The following TNIK variants were observed in gnomAD, a reference collection of about 807,000 sequenced individuals.
The protein encoded by TNIK is TRAF2 and NCK interacting kinase.
A neutral mutation model predicts 191.3 loss-of-function variants in TNIK; 49 were observed. The ratio of observed to expected loss-of-function variants is 0.26; its 90% CI spans 0.20 to 0.32. The LOEUF (loss-of-function observed/expected upper bound fraction) is 0.32. Ranked by LOEUF, TNIK falls within the 10% of genes least tolerant of loss-of-function variation. TNIK has a pLI of 1.00. For synonymous variants in TNIK, 594 were observed against 600.9 expected (o/e 0.99, Z 0.17); for missense variants, 1,155 against 1,702.3 (o/e 0.68, Z 5.66).
intron 2 of TNIK, among the ~76,000 whole-genome samples, chr3:171,361,196 C>T (rs544446252): frequency 6.6e-6 from 1 of 152,278 alleles, no homozygotes; most frequent in Non-Finnish European, 1.5e-5. Context: ...TTCCCCAGCC[C>T]AACATCAGAC....
At chr3:171,075,740 T>A (rs1719816049) in intron 28 of TNIK, among the ~76,000 whole-genome samples, 1 of 149,846 alleles carries the variant, frequency 6.7e-6, no homozygotes, top group African/African-American at 2.5e-5. Context: ...AAGCTGCTAT[T>A]TTTTTTTTTT....
chr3:171,425,643 T>C (rs1202580378), intron 1 of TNIK, among the ~76,000 whole-genome samples: 3 of 152,016 alleles, frequency 2.0e-5, no homozygotes, highest in Non-Finnish European at 4.4e-5. Context: ...CTGGCCAACA[T>C]GGTGAAACCC....
intron 29 of TNIK, among the ~76,000 whole-genome samples, chr3:171,069,644 C>G (rs1169682388): frequency 6.6e-6 from 1 of 152,206 alleles, no homozygotes; most frequent in African/African-American, 2.4e-5. Context: ...AAAGAGAGAT[C>G]TTGCCAAGTT....
chr3:171,343,035 G>A (rs1711546531), intron 2 of TNIK, among the ~76,000 whole-genome samples: 1 of 152,172 alleles, frequency 6.6e-6, no homozygotes, highest in East Asian at 1.9e-4. Flanking sequence ...CCAGCCACAT[G>A]GAAGTGTGAG....
intron 22 of TNIK, among the ~76,000 whole-genome samples, chr3:171,098,488 A>G (rs1723024622): frequency 6.6e-6 from 1 of 152,194 alleles, no homozygotes; most frequent in Non-Finnish European, 1.5e-5. Flanking sequence ...GGGGAATACA[A>G]ACTTAGTTAA....
At chr3:171,214,994 A>G (rs1389090148) in intron 3 of TNIK, among the ~76,000 whole-genome samples, 1 of 152,160 alleles carries the variant, frequency 6.6e-6, no homozygotes, top group Non-Finnish European at 1.5e-5. Flanking sequence ...ACCTGCATCA[A>G]GAGGTGGAGT....
At chr3:171,090,676 C>T (rs1721947781) in intron 23 of TNIK, among the ~76,000 whole-genome samples, 1 of 152,124 alleles carries the variant, frequency 6.6e-6, no homozygotes, top group African/African-American at 2.4e-5. Flanking sequence ...TACAAAATAC[C>T]TCTTCCAGCA....
At chr3:171,158,246 C>T (rs1319839034) in intron 11 of TNIK, among the ~76,000 whole-genome samples, 1 of 152,204 alleles carries the variant, frequency 6.6e-6, no homozygotes, top group African/African-American at 2.4e-5. Context: ...TCAGGGTTTG[C>T]CTGACTGTAC....
intron 2 of TNIK, among the ~76,000 whole-genome samples, chr3:171,293,622 T>C (rs938378245): frequency 1.3e-5 from 2 of 152,238 alleles, no homozygotes; most frequent in Non-Finnish European, 2.9e-5. Context: ...TGCAAAGAAC[T>C]TTCTCCAGGA....
intron 12 of TNIK, among the ~76,000 whole-genome samples, chr3:171,142,777 AG>A (rs1265180115): frequency 6.6e-6 from 1 of 152,234 alleles, no homozygotes; most frequent in Non-Finnish European, 1.5e-5. Flanking sequence ...AATCAGTGCC[AG>A]CACAGAGAAT....
At chr3:171,125,270 A>G (rs1728315455) in intron 17 of TNIK, among the ~76,000 whole-genome samples, 1 of 152,230 alleles carries the variant, frequency 6.6e-6, no homozygotes, top group South Asian at 2.1e-4. Flanking sequence ...CACATTCTAG[A>G]ACATTTCTTG....
intron 2 of TNIK, among the ~76,000 whole-genome samples, chr3:171,296,706 T>C (rs986517170): frequency 1.3e-5 from 2 of 152,220 alleles, no homozygotes; most frequent in African/African-American, 4.8e-5. Flanking sequence ...TTGATAATTA[T>C]TGAAGATAAG....
intron 1 of TNIK, among the ~76,000 whole-genome samples, chr3:171,416,316 T>C (rs1020437277): frequency 6.6e-6 from 1 of 152,196 alleles, no homozygotes; most frequent in East Asian, 1.9e-4. Flanking sequence ...GCTAAAAATA[T>C]GTAATCTGAA....
intron 19 of TNIK, among the ~76,000 whole-genome samples, chr3:171,108,384 A>G (rs1487556531): frequency 1.3e-5 from 2 of 152,200 alleles, no homozygotes; most frequent in Non-Finnish European, 2.9e-5. Context: ...TAAAAAAAAA[A>G]GAAATGTAGC....
rs777700588 is a variant in TNIK at position 171,087,517 on chromosome 3, A to C, written c.2722-11T>G. The C allele has an allele frequency of 6.2e-7, 1 of 1,612,826 alleles. No homozygotes were observed. The highest frequency in any genetic ancestry group is 8.5e-7 in the Non-Finnish European group (1 of 1,179,218). ...CTTCTCTCCAGACGTCTGAGGGAGC[A>C]CAGCACGTGGGAGGAGTTAGAGAGG... On this transcript the variant is annotated splice_polypyrimidine_tract_variant and intron_variant, in intron 23 of 32. Transcript: ENST00000436636.
At position 171,257,051 on chromosome 3, in the gene TNIK, A is replaced by T. The variant is rs199942324; in HGVS notation, c.124-28830T>A. ...ACTCTGGTTTTAAAGTGGAACTGAC[A>T]TGACAAGCGGCTGCACAGAAACAGG... On this transcript the variant is annotated intron_variant, in intron 2 of 32. Coordinates refer to ENST00000436636, the MANE Select transcript of TNIK (RefSeq NM_015028.4). Among the ~76,000 whole-genome samples, 4 of 152,312 alleles carry T rather than the reference A, an allele frequency of 2.6e-5. No homozygotes were observed. In the East Asian group the frequency reaches 7.7e-4, roughly 29 times the overall value.
chr3:171,276,797 T>C (rs530647495), intron 2 of TNIK, among the ~76,000 whole-genome samples: 2 of 152,310 alleles, frequency 1.3e-5, no homozygotes, highest in African/African-American at 4.8e-5. Flanking sequence ...ACTTAAGAAG[T>C]AAACTTTTAA....
intron 2 of TNIK, among the ~76,000 whole-genome samples, chr3:171,235,851 T>C (rs1208539674): frequency 6.6e-6 from 1 of 152,112 alleles, no homozygotes; most frequent in Middle Eastern, 3.2e-3. Context: ...TACATGAACT[T>C]AGTAGAAGGG....
At chr3:171,339,453 C>A (rs751362995) in intron 2 of TNIK, among the ~76,000 whole-genome samples, 4 of 152,220 alleles carry the variant, frequency 2.6e-5, no homozygotes, top group Non-Finnish European at 5.9e-5. Context: ...AACCAGAATG[C>A]CACTTCGCTT....
Sources: gnomAD v4.1 joint callset for allele counts (sites outside exome capture counted in the v4.1 genomes callset) on GRCh38, gnomAD v4.1.1 for gene constraint, MANE v1.5 for transcripts, NCBI Gene and HGNC (gene_info 2026-07-23, HGNC 2026-07-21) for gene names.